DOCK1: variants seen among roughly 807,000 people sequenced by gnomAD.
DOCK1 encodes the protein dedicator of cytokinesis 1.
Under a neutral mutation model 262.7 loss-of-function variants are expected in DOCK1, and 138 were observed. That is an observed-to-expected ratio of 0.53 (90% CI 0.46 to 0.61). DOCK1 has a LOEUF of 0.61. Ranked by LOEUF, DOCK1 falls within the 20% of genes least tolerant of loss-of-function variation. DOCK1 has a pLI of 0.00. For synonymous variants in DOCK1, 866 were observed against 867.4 expected, an observed-to-expected ratio of 1.00 and a Z score of 0.03; for missense variants, 1,908 against 2,370.7, an observed-to-expected ratio of 0.80 and a Z score of 4.05.
chr10:127,310,950 T>C (rs1011724298), intron 29 of DOCK1, among the ~76,000 whole-genome samples: 18 of 152,192 alleles, frequency 1.2e-4, no homozygotes, highest in African/African-American at 4.3e-4. Flanking sequence ...CAGGCTTGTA[T>C]CGTTCTTAAG....
At position 127,201,502 on chromosome 10, in the gene DOCK1, G is replaced by A. The variant is rs141772950; in HGVS notation, c.2848-46506G>A. On this transcript the variant is annotated intron_variant, in intron 27 of 51. Coordinates refer to ENST00000623213, the MANE Select transcript of DOCK1 (RefSeq NM_001290223.2). ...GAAAACCTGAGCATCGTGAGGACTC[G>A]TTGAGATCCCTGGCTTTCTATGATG... Among the ~76,000 whole-genome samples the A allele has an allele frequency of 3.2e-3, 490 of 152,300 alleles. 1 individual carries two copies. The highest frequency in any genetic ancestry group is 3.1e-3 in the Non-Finnish European group (214 of 68,022).
chr10:127,075,109 T>C (rs9418835), intron 23 of DOCK1, among the ~76,000 whole-genome samples: 92,599 of 145,244 alleles, frequency 0.64, 29,180 homozygotes, highest in South Asian at 0.75. Flanking sequence ...GTGGAGGTTG[T>C]GGTGAGCTGA....
intron 27 of DOCK1, among the ~76,000 whole-genome samples, chr10:127,224,517 C>A (rs1397409624): frequency 6.6e-6 from 1 of 151,488 alleles, no homozygotes; most frequent in African/African-American, 2.4e-5. Flanking sequence ...CAAGATCATG[C>A]CACTGTACTC....
At chr10:126,993,251 G>A (rs1314253745) in intron 6 of DOCK1, among the ~76,000 whole-genome samples, 1 of 152,224 alleles carries the variant, frequency 6.6e-6, no homozygotes, top group African/African-American at 2.4e-5. Flanking sequence ...TGCGTGGCCT[G>A]TAGGACCTAC....
intron 31 of DOCK1, among the ~76,000 whole-genome samples, chr10:127,349,245 A>C (rs2063774342): frequency 6.6e-6 from 1 of 151,828 alleles, no homozygotes; most frequent in Admixed American, 6.6e-5. Flanking sequence ...TGGGCACTGC[A>C]TTGCCCCAGA....
intron 27 of DOCK1, among the ~76,000 whole-genome samples, chr10:127,238,254 T>C (rs775703471): frequency 6.6e-6 from 1 of 152,220 alleles, no homozygotes; most frequent in Non-Finnish European, 1.5e-5. Flanking sequence ...CATTTCCTCA[T>C]GATGGAACAT....
intron 22 of DOCK1, among the ~76,000 whole-genome samples, chr10:127,058,165 CTG>C (rs2045291619): frequency 2.0e-5 from 3 of 152,188 alleles, no homozygotes; most frequent in South Asian, 2.1e-4. Flanking sequence ...ACAAGAGAAA[CTG>C]TTTTACATTT....
At chr10:127,263,669 C>G (rs2060257406) in intron 29 of DOCK1, among the ~76,000 whole-genome samples, 1 of 152,166 alleles carries the variant, frequency 6.6e-6, no homozygotes, top group African/African-American at 2.4e-5. Context: ...CAGACCTTTC[C>G]CTGTTGGCAC....
intron 12 of DOCK1, among the ~76,000 whole-genome samples, chr10:127,014,081 A>G (rs933813539): frequency 1.4e-4 from 22 of 152,230 alleles, no homozygotes; most frequent in African/African-American, 5.1e-4. Context: ...CTCTGTCCAC[A>G]TGCGCCTCCT....
intron 19 of DOCK1, among the ~76,000 whole-genome samples, chr10:127,040,107 A>G (rs562841065): frequency 5.3e-5 from 8 of 152,190 alleles, no homozygotes; most frequent in African/African-American, 1.9e-4. Flanking sequence ...GGGACTTTGC[A>G]TGAACCGTGA....
chr10:127,030,068 G>T (rs2043133146), intron 16 of DOCK1, among the ~76,000 whole-genome samples: 1 of 152,106 alleles, frequency 6.6e-6, no homozygotes, highest in African/African-American at 2.4e-5. Context: ...AATTTGCCAG[G>T]ATGTATTGAG....
rs2043860656 is a variant in DOCK1 at position 127,039,259 on chromosome 10, T to C, written c.2010+1443T>C. Among the ~76,000 whole-genome samples, 3 of 136,996 alleles carry C rather than the reference T, an allele frequency of 2.2e-5. No homozygotes were observed. In the South Asian group the frequency reaches 8.3e-4, roughly 38 times the overall value. 89.9% of individuals were successfully genotyped at this position (136,996 alleles called of 152,430 possible). A position where few individuals can be genotyped will look rare whatever the true frequency, so the allele number is the denominator to read the frequency against. On this transcript the variant is annotated intron_variant, in intron 19 of 51. Transcript: ENST00000623213. ...GCATTTTAAACTTCCCTGTGTTCTG[T>C]AAATTCCCTAATTCAGGTGGAAACT...
chr10:127,041,468 T>G (rs1051345826), intron 19 of DOCK1, among the ~76,000 whole-genome samples: 2 of 152,218 alleles, frequency 1.3e-5, no homozygotes, highest in African/African-American at 4.8e-5. Context: ...TTTCCATTCA[T>G]TAGTTGACAC....
At chr10:127,307,453 C>G (rs887041203) in intron 29 of DOCK1, among the ~76,000 whole-genome samples, 1 of 152,242 alleles carries the variant, frequency 6.6e-6, no homozygotes, top group Non-Finnish European at 1.5e-5. Context: ...GGAGTTCTGT[C>G]GTTCAGTCCG....
chr10:127,293,353 A>T (rs1188390252), intron 29 of DOCK1, among the ~76,000 whole-genome samples: 1 of 152,176 alleles, frequency 6.6e-6, no homozygotes, highest in African/African-American at 2.4e-5. Context: ...CCATGGAGAG[A>T]ACACAAGTGG....
chr10:127,001,079 A>C (rs2040565932), intron 10 of DOCK1: 1 of 152,276 alleles, frequency 6.6e-6, no homozygotes, highest in Non-Finnish European at 1.5e-5. Context: ...AGTTTTGGGA[A>C]GTGGTTTTCT....
chr10:127,019,641 T>G (rs1009947382), intron 13 of DOCK1, among the ~76,000 whole-genome samples: 2 of 152,034 alleles, frequency 1.3e-5, no homozygotes, highest in African/African-American at 4.8e-5. Flanking sequence ...CTAGTTACTT[T>G]GGGGGGCTGA....
rs373570832 is a variant in DOCK1, at chr10:127,175,867, A to G, written c.2847+48103A>G. ...TCCACTGTGTTCATGTGTTGGTTGGAATGGAAAACCAAGGCTGTGGTCTTG... is the reference window on the plus strand; with the variant it reads ...TCCACTGTGTTCATGTGTTGGTTGGGATGGAAAACCAAGGCTGTGGTCTTG... On this transcript the variant is annotated intron_variant, in intron 27 of 51. Coordinates refer to ENST00000623213, the MANE Select transcript of DOCK1 (RefSeq NM_001290223.2). This position sits in a 1 kb window ranked among gnomAD's most constrained non-coding sequence, Gnocchi z 6.3. 2 of 1,613,976 alleles carry G rather than the reference A, an allele frequency of 1.2e-6. No individual in the cohort carries two copies. Among genetic ancestry groups the G allele is most frequent in the Non-Finnish European group, 1.7e-6 (2 of 1,180,032 alleles).
intron 27 of DOCK1, among the ~76,000 whole-genome samples, chr10:127,215,671 A>C (rs2058176113): frequency 6.6e-6 from 1 of 152,276 alleles, no homozygotes; most frequent in East Asian, 1.9e-4. Context: ...CAAAGGCTTA[A>C]AATATGCCGC....
Sources: allele counts gnomAD v4.1 joint callset (sites outside exome capture counted in the v4.1 genomes callset), GRCh38; gene constraint gnomAD v4.1.1; non-coding constraint Gnocchi (gnomAD v3.1); transcripts MANE v1.5; gene names NCBI Gene and HGNC (gene_info 2026-07-23, HGNC 2026-07-21).